The following CNTNAP2 variants were observed in gnomAD, a reference collection of about 807,000 sequenced individuals.
CNTNAP2 encodes contactin-associated protein-like 2.
In CNTNAP2, 98 loss-of-function variants were observed where a neutral mutation model predicts 155.2. The ratio of observed to expected loss-of-function variants is 0.63; its 90% CI spans 0.54 to 0.75. The LOEUF is 0.75. Ranked by LOEUF, CNTNAP2 falls within the 30% of genes least tolerant of loss-of-function variation. The pLI is 0.00. For missense variants in CNTNAP2, 1,727 were observed against 1,688.1 expected (o/e 1.02, Z -0.40); for synonymous variants, 651 against 631.2 (o/e 1.03, Z -0.47).
intron 11 of CNTNAP2, among the ~76,000 whole-genome samples, chr7:147,531,807 T>C (rs1177949556): frequency 2.2e-5 from 2 of 91,694 alleles, no homozygotes; most frequent in Non-Finnish European, 4.6e-5. Flanking sequence ...TTTTCTTTTC[T>C]TTTTTTTTTT....
At chr7:147,808,148 T>A (rs1334775160) in intron 13 of CNTNAP2, among the ~76,000 whole-genome samples, 1 of 152,134 alleles carries the variant, frequency 6.6e-6, no homozygotes, top group Non-Finnish European at 1.5e-5. Context: ...GAAGTCCCAT[T>A]GTCCTGGCCT....
At chr7:146,297,801 T>C (rs769560393) in intron 1 of CNTNAP2, among the ~76,000 whole-genome samples, 28 of 152,294 alleles carry the variant, frequency 1.8e-4, no homozygotes, top group South Asian at 4.1e-4. Flanking sequence ...AGAAAGATAA[T>C]GAAAGCTCTA....
chr7:148,115,101 T>A (rs1585133150), intron 15 of CNTNAP2, among the ~76,000 whole-genome samples: 1 of 152,238 alleles, frequency 6.6e-6, no homozygotes. Context: ...GACTTCCCCG[T>A]GAATGAGTCT....
intron 3 of CNTNAP2, among the ~76,000 whole-genome samples, chr7:147,025,445 AGGGGAGG>A (rs1798896233): frequency 9.7e-4 from 6 of 6,172 alleles, no homozygotes; most frequent in African/African-American, 2.3e-3. Context: ...AGGGGAGGGG[AGGGGAGG>A]AGGGGGAGGG....
intron 9 of CNTNAP2, among the ~76,000 whole-genome samples, chr7:147,394,483 T>C (rs913102248): frequency 1.3e-5 from 2 of 152,008 alleles, no homozygotes; most frequent in African/African-American, 4.8e-5. Context: ...AGTGAATGTG[T>C]CAATAACTTC....
At chr7:148,041,027 A>T (rs1338593619) in intron 15 of CNTNAP2, among the ~76,000 whole-genome samples, 2 of 152,216 alleles carry the variant, frequency 1.3e-5, no homozygotes, top group Non-Finnish European at 2.9e-5. Flanking sequence ...GTACAACATA[A>T]AGACATAATT....
intron 12 of CNTNAP2, among the ~76,000 whole-genome samples, chr7:147,565,350 G>T (rs952479426): frequency 6.6e-6 from 1 of 152,144 alleles, no homozygotes; most frequent in Non-Finnish European, 1.5e-5. Context: ...GCCATAAGGA[G>T]TGTAGGGCAG....
At chr7:146,616,539 G>A (rs1225175940) in intron 1 of CNTNAP2, among the ~76,000 whole-genome samples, 4 of 152,056 alleles carry the variant, frequency 2.6e-5, no homozygotes, top group African/African-American at 9.7e-5. Flanking sequence ...CAGATGGTTG[G>A]TGTTTCTGAG....
chr7:147,529,507 C>T (rs1799390581), intron 11 of CNTNAP2, among the ~76,000 whole-genome samples: 1 of 152,056 alleles, frequency 6.6e-6, no homozygotes, highest in Admixed American at 6.6e-5. Context: ...AGAATTATTT[C>T]ACAGCCTATT....
In CNTNAP2 at chr7:146,227,268, A is replaced by G. The variant is rs541503640; in HGVS notation, c.97+110295A>G. 3.3e-5 allele frequency among the ~76,000 whole-genome samples: 5 copies of G among 152,072 alleles called. No individual in the cohort carries two copies. In the East Asian group the frequency reaches 7.8e-4, roughly 24 times the overall value. On this transcript the variant is annotated intron_variant, in intron 1 of 23. Transcript: ENST00000361727. Reference sequence around the variant, plus strand: ...TAGTAAAACCCTGTCTCTACTAAAAATACAAAATTATCTGGGTGTGGTGGC... The same window carrying G: ...TAGTAAAACCCTGTCTCTACTAAAAGTACAAAATTATCTGGGTGTGGTGGC...
intron 13 of CNTNAP2, among the ~76,000 whole-genome samples, chr7:147,643,691 A>G (rs1380898336): frequency 6.6e-6 from 1 of 152,200 alleles, no homozygotes; most frequent in Admixed American, 6.5e-5. Flanking sequence ...AGTGATTGCA[A>G]TTAAAATGAA....
intron 11 of CNTNAP2, chr7:147,497,190 T>C (rs955651609): frequency 1.3e-5 from 2 of 152,222 alleles, no homozygotes; most frequent in Admixed American, 6.5e-5. Flanking sequence ...GAATAAAGAA[T>C]ATGGTTTTAT....
chr7:146,382,015 G>T (rs549427145), intron 1 of CNTNAP2, among the ~76,000 whole-genome samples: 1 of 152,310 alleles, frequency 6.6e-6, no homozygotes, highest in South Asian at 2.1e-4. Flanking sequence ...AGGAGTTGTG[G>T]TTGAGTTTCT....
chr7:147,303,806 G>GA (rs1794983148), intron 9 of CNTNAP2, among the ~76,000 whole-genome samples: 1 of 152,164 alleles, frequency 6.6e-6, no homozygotes, highest in Non-Finnish European at 1.5e-5. Flanking sequence ...AATGCATCTT[G>GA]AGCCTTTCTT....
intron 1 of CNTNAP2, among the ~76,000 whole-genome samples, chr7:146,126,429 A>G (rs1797638861): frequency 6.6e-6 from 1 of 152,268 alleles, no homozygotes; most frequent in Admixed American, 6.5e-5. Flanking sequence ...ACATTAAATC[A>G]TAATATATAT....
At chr7:147,834,878 G>A (rs1026825496) in intron 13 of CNTNAP2, among the ~76,000 whole-genome samples, 3 of 152,136 alleles carry the variant, frequency 2.0e-5, no homozygotes, top group African/African-American at 7.2e-5. Flanking sequence ...CAAACATTCA[G>A]TTCAGTGGGG....
At chr7:146,284,346 A>G (rs927017548) in intron 1 of CNTNAP2, among the ~76,000 whole-genome samples, 1 of 152,000 alleles carries the variant, frequency 6.6e-6, no homozygotes, top group African/African-American at 2.4e-5. Context: ...TAGACATTTT[A>G]TAATTTATCA....
intron 1 of CNTNAP2, among the ~76,000 whole-genome samples, chr7:146,264,028 G>T (rs1799958301): frequency 1.3e-5 from 2 of 152,192 alleles, no homozygotes; most frequent in Admixed American, 1.3e-4. Flanking sequence ...CCTCCCTAAT[G>T]AATTTATTCT....
rs186727371 is a variant in CNTNAP2, at chr7:147,169,797, C to A, written c.1348+37288C>A. ...ACTGAATCAGTAATAAAGTTTGGGT[C>A]TTTCTTAAAATTTCTATTTTGCCTT... On this transcript the variant is annotated intron_variant, in intron 8 of 23. Transcript: ENST00000361727. Among the ~76,000 whole-genome samples, 146 of 152,196 alleles carry A rather than the reference C, an allele frequency of 9.6e-4. 3 individuals carry two copies. In the South Asian group the frequency reaches 0.011, roughly 11 times the overall value.
Sources: gnomAD v4.1 joint callset for allele counts (sites outside exome capture counted in the v4.1 genomes callset) on GRCh38, gnomAD v4.1.1 for gene constraint, MANE v1.5 for transcripts, NCBI Gene and HGNC (gene_info 2026-07-23, HGNC 2026-07-21) for gene names.